Variants in KDM2B observed in about 807,000 individuals in gnomAD.
KDM2B encodes the protein lysine-specific demethylase 2B.
In KDM2B, 26 loss-of-function variants were observed where a neutral mutation model predicts 150.0. That is an observed-to-expected ratio of 0.17 (90% CI 0.13 to 0.24). The LOEUF (loss-of-function observed/expected upper bound fraction) is 0.24, where lower values mean the gene tolerates loss of function less well. Among genes scored for constraint, KDM2B ranks in the 10% least tolerant of loss-of-function variants. The pLI, the probability that KDM2B is intolerant of heterozygous loss-of-function variation, is 1.00. For missense variants in KDM2B, 1,265 were observed against 1,816.9 expected, an observed-to-expected ratio of 0.70 and a Z score of 5.52; for synonymous variants, 734 against 729.5, an observed-to-expected ratio of 1.01 and a Z score of -0.10.
rs1375934886 is a variant in KDM2B, at chr12:121,430,327, A to G, written c.3972T>C (p.Phe1324=). The part of the protein sequence containing the change: ...FIAEMSVSVQ[F]GQVEEKLLQK... ...GCAGGAGTTTTTCTTCTACTTGCCC[A>G]AACTGGACACTCACAGACATCTCGG... Residue 1324 remains phenylalanine, a synonymous_variant, in exon 23 of 23, where the codon TTT becomes TTC. Coordinates refer to ENST00000377071, the MANE Select transcript of KDM2B (RefSeq NM_032590.5). The surrounding 1 kb of genome is among the most constrained non-coding windows in gnomAD (Gnocchi z 4.4). The G allele has an allele frequency of 2.5e-6, 4 of 1,614,008 alleles. No individual in the cohort carries two copies. Among genetic ancestry groups the G allele is most frequent in the African/African-American group, 2.7e-5 (2 of 74,902 alleles).
At chr12:121,485,088 G>T (rs1422447861) in intron 12 of KDM2B, among the ~76,000 whole-genome samples, 1 of 152,086 alleles carries the variant, frequency 6.6e-6, no homozygotes, top group East Asian at 1.9e-4. Flanking sequence ...TCCTCCCACA[G>T]CCCCAGATGG....
rs1555297917 is a variant in KDM2B, at chr12:121,481,762, T to TG, written c.1734+12816_1734+12817insC. ...TTTTCAAGAACTTATCTTAGGGTTT[T>TG]TTTTGTTTGTTTGTTTGTTTGTTTG... On this transcript the variant is annotated intron_variant, in intron 12 of 22. Coordinates refer to ENST00000377071, the MANE Select transcript of KDM2B (RefSeq NM_032590.5). Among the ~76,000 whole-genome samples, 1,069 of 122,148 alleles carry TG rather than the reference T, an allele frequency of 8.8e-3. 11 individuals are homozygous for TG. The highest frequency in any genetic ancestry group is 0.035 in the African/African-American group (1,006 of 28,446). The allele number at this position is 122,148 out of a possible 152,430, so 80.1% of individuals were successfully genotyped here. A position where few individuals can be genotyped will look rare whatever the true frequency, so the allele number is the denominator to read the frequency against.
chr12:121,572,446 G>T (rs983824805), intron 4 of KDM2B, among the ~76,000 whole-genome samples: 1 of 152,028 alleles, frequency 6.6e-6, no homozygotes, highest in Non-Finnish European at 1.5e-5. Context: ...TTTATCCCCC[G>T]ACTTCCCTTG....
At chr12:121,466,626 G>A (rs1879991482) in intron 12 of KDM2B, among the ~76,000 whole-genome samples, 1 of 150,980 alleles carries the variant, frequency 6.6e-6, no homozygotes, top group African/African-American at 2.4e-5. Flanking sequence ...GGCGGCGGGC[G>A]CGCGGCGCCC....
In KDM2B at chr12:121,534,534, C is replaced by A; in HGVS notation, c.740G>T (p.Gly247Val). ...GAAAACATGGTACCAAACGGAAGTGCCTCCAAAGTCGATGTGGAAGTCGGT... is the reference window on the plus strand; with the variant it reads ...GAAAACATGGTACCAAACGGAAGTGACTCCAAAGTCGATGTGGAAGTCGGT... Reference protein sequence around the residue: ...CFTDFHIDFGGTSVWYHVFRG... With the variant: ...CFTDFHIDFGVTSVWYHVFRG... The change falls in exon 7 of 23, where the codon GGC (glycine) becomes GTC (valine). Residue 247 changes from glycine to valine, a missense_variant. Gly to Val is a moderately radical substitution (Grantham distance 109). Around this residue, in one of 11 missense-constraint regions of KDM2B, gnomAD observed 214 missense variants for 447.4 expected, o/e 0.48. Coordinates refer to ENST00000377071, the MANE Select transcript of KDM2B (RefSeq NM_032590.5). 1 of 1,613,956 alleles carries A rather than the reference C, an allele frequency of 6.2e-7. No homozygotes were observed. The highest frequency in any genetic ancestry group is 8.5e-7 in the Non-Finnish European group (1 of 1,179,960).
intron 6 of KDM2B, chr12:121,536,320 G>A (rs1263731692): frequency 6.5e-6 from 1 of 152,966 alleles, no homozygotes; most frequent in Non-Finnish European, 1.5e-5. Flanking sequence ...AAATCAGAAG[G>A]CCTTCCAGTA....
At chr12:121,499,181 G>A (rs113927804) in intron 11 of KDM2B, among the ~76,000 whole-genome samples, 2,471 of 145,416 alleles carry the variant, frequency 0.017, 76 homozygotes, top group African/African-American at 0.061. Flanking sequence ...CACAATCTTA[G>A]CTCACTGCAG....
At chr12:121,434,649 C>T (rs1375146860) in intron 22 of KDM2B, among the ~76,000 whole-genome samples, 3 of 151,888 alleles carry the variant, frequency 2.0e-5, no homozygotes, top group African/African-American at 7.3e-5. Context: ...AATTGAATTT[C>T]GACATGCAAA....
At chr12:121,448,325 A>AC (rs1263377710) in intron 13 of KDM2B, among the ~76,000 whole-genome samples, 7 of 150,466 alleles carry the variant, frequency 4.7e-5, no homozygotes, top group Non-Finnish European at 3.0e-5. Context: ...GTCTCAAAAA[A>AC]AAAAAAAAAA....
the KDM2B span, chr12:121,417,382 G>A: frequency 1.3e-6 from 1 of 752,872 alleles, no homozygotes; most frequent in Non-Finnish European, 2.1e-6. The surrounding 1 kb of genome is among the most constrained non-coding windows in gnomAD (Gnocchi z 5.0). Flanking sequence ...TCTGGAAATA[G>A]TCTGGTGCCA....
At chr12:121,477,852 A>C (rs1213592981) in intron 12 of KDM2B, among the ~76,000 whole-genome samples, 4 of 151,994 alleles carry the variant, frequency 2.6e-5, no homozygotes, top group Non-Finnish European at 5.9e-5. Flanking sequence ...TGCTAGGATT[A>C]CAGGTGTGAG....
chr12:121,421,820 T>G, the KDM2B span, among the ~76,000 whole-genome samples: 1 of 152,218 alleles, frequency 6.6e-6, no homozygotes, highest in African/African-American at 2.4e-5. Context: ...ACAAATCTTA[T>G]GTTCCTATCT....
intron 12 of KDM2B, among the ~76,000 whole-genome samples, chr12:121,463,449 A>G (rs1449955427): frequency 7.9e-5 from 12 of 152,260 alleles, no homozygotes; most frequent in Admixed American, 2.0e-4. Flanking sequence ...CTGCACATGT[A>G]TCCGAGAACT....
chr12:121,538,267 C>T (rs918610698), intron 6 of KDM2B, among the ~76,000 whole-genome samples: 3 of 152,042 alleles, frequency 2.0e-5, no homozygotes, highest in Non-Finnish European at 4.4e-5. Flanking sequence ...TCCCCACCCC[C>T]CTGAGCCCCG....
chr12:121,567,706 CTTTTTTTTTTTTT>C (rs1180847689), intron 4 of KDM2B, among the ~76,000 whole-genome samples: 2 of 120,934 alleles, frequency 1.7e-5, no homozygotes, highest in African/African-American at 3.2e-5. Flanking sequence ...AAATACATTT[CTTTTTTTTTTTTT>C]TTTTTTTTTG....
chr12:121,434,273 C>A (rs572783724), intron 22 of KDM2B, among the ~76,000 whole-genome samples: 8 of 151,628 alleles, frequency 5.3e-5, no homozygotes, highest in African/African-American at 1.9e-4. Flanking sequence ...TGGTGACTCA[C>A]GCCTATAATC....
chr12:121,437,206 A>G (rs1271401286), intron 22 of KDM2B, among the ~76,000 whole-genome samples: 1 of 151,824 alleles, frequency 6.6e-6, no homozygotes, highest in East Asian at 2.0e-4. Flanking sequence ...CAAGAAACTG[A>G]TGAGTTGGGG....
At chr12:121,511,291 T>TC (rs1264794138) in intron 10 of KDM2B, among the ~76,000 whole-genome samples, 2 of 148,454 alleles carry the variant, frequency 1.3e-5, no homozygotes, top group East Asian at 3.9e-4. Context: ...ATTTTTTTTT[T>TC]TTTTTTTTTT....
At position 121,579,536 on chromosome 12, in the gene KDM2B, G is replaced by T. The variant is rs537334975; in HGVS notation, c.127-590C>A. The stretch of plus-strand genomic sequence containing the variant: ...CCAGTGCAAGAAGAGGAGGTGGGGG[G>T]AGGAGAATCGGGGCTTGGAAGGGGG... On this transcript the variant is annotated intron_variant, in intron 1 of 22. Coordinates refer to ENST00000377071, the MANE Select transcript of KDM2B (RefSeq NM_032590.5). 72 of 1,243,854 alleles carry T rather than the reference G, an allele frequency of 5.8e-5. 1 individual carries two copies. In the South Asian group the frequency reaches 8.3e-4, roughly 14 times the overall value. The allele number at this position is 1,243,854 out of a possible 1,614,324, so 77.1% of individuals were successfully genotyped here. A position where few individuals can be genotyped will look rare whatever the true frequency, so the allele number is the denominator to read the frequency against.
Sources: allele counts gnomAD v4.1 joint callset (sites outside exome capture counted in the v4.1 genomes callset), GRCh38; gene constraint gnomAD v4.1.1; regional missense constraint gnomAD v4.1.1; non-coding constraint Gnocchi (gnomAD v3.1); transcripts MANE v1.5; gene names NCBI Gene and HGNC (gene_info 2026-07-23, HGNC 2026-07-21).